UST: variants seen among roughly 807,000 people sequenced by gnomAD.
The protein encoded by UST is chondroitin sulfate 2-O-sulfotransferase.
UST carries 21 observed loss-of-function variants against 45.6 expected under a neutral mutation model. That is an observed-to-expected ratio of 0.46 (90% CI 0.33 to 0.66). UST has a LOEUF of 0.66. Ranked by LOEUF, UST falls within the 30% of genes least tolerant of loss-of-function variation. UST has a pLI of 0.02. For missense variants in UST, 463 were observed against 512.4 expected (o/e 0.90, Z 0.93); for synonymous variants, 215 against 200.6 (o/e 1.07, Z -0.61).
intron 1 of UST, among the ~76,000 whole-genome samples, chr6:148,809,229 G>C (rs1262876964): frequency 6.6e-6 from 1 of 152,182 alleles, no homozygotes; most frequent in Non-Finnish European, 1.5e-5. Flanking sequence ...AAAAGAGTAG[G>C]CAGTAGGGAC....
chr6:148,953,771 C>CAAAA (rs58266916), intron 3 of UST, 101 bp from the exon 4 acceptor site: 96 of 267,088 alleles, frequency 3.6e-4, no homozygotes, highest in Middle Eastern at 1.2e-3. Flanking sequence ...GACTCCATCT[C>CAAAA]AAAAAAAAAA....
In UST at chr6:149,074,365, TCATAAAA is replaced by T. The variant is rs1389754600; in HGVS notation, c.*252_*258del. 2 of 502,458 alleles carry T rather than the reference TCATAAAA, an allele frequency of 4.0e-6. No individual in the cohort carries two copies. Among genetic ancestry groups the T allele is most frequent in the Non-Finnish European group, 7.0e-6 (2 of 283,936 alleles). The allele number at this position is 502,458 out of a possible 1,614,324, so 31.1% of individuals were successfully genotyped here. A position where few individuals can be genotyped will look rare whatever the true frequency, so the allele number is the denominator to read the frequency against. On this transcript the variant is annotated 3_prime_UTR_variant, in exon 8 of 8. Coordinates refer to ENST00000367463, the MANE Select transcript of UST (RefSeq NM_005715.3). Reference sequence around the variant, plus strand: ...GATGGCTCCATCCCAAGGCATCTTGTCATAAAACAGCTTTCCCCCACCCCATATCATG... The same window carrying T: ...GATGGCTCCATCCCAAGGCATCTTGTCAGCTTTCCCCCACCCCATATCATG...
chr6:148,789,451 TCTCACACACACA>T (rs1452812412), intron 1 of UST, among the ~76,000 whole-genome samples: 9 of 132,892 alleles, frequency 6.8e-5, no homozygotes, highest in Non-Finnish European at 1.1e-4. Flanking sequence ...TCTCTCTCTC[TCTCACACACACA>T]CACACACACA....
At chr6:149,030,068 C>T (rs1776116673) in intron 7 of UST, among the ~76,000 whole-genome samples, 1 of 152,128 alleles carries the variant, frequency 6.6e-6, no homozygotes, top group Admixed American at 6.6e-5. Flanking sequence ...TAGATGATCT[C>T]ATTTGATTCT....
At chr6:148,935,683 A>G (rs537785368) in intron 2 of UST, among the ~76,000 whole-genome samples, 6 of 152,156 alleles carry the variant, frequency 3.9e-5, no homozygotes, top group Non-Finnish European at 7.4e-5. Context: ...TTCCTTTCCC[A>G]GTGGAAGCAG....
intron 2 of UST, among the ~76,000 whole-genome samples, chr6:148,906,352 T>C (rs1233195516): frequency 2.6e-5 from 4 of 152,238 alleles, no homozygotes; most frequent in African/African-American, 9.6e-5. Flanking sequence ...TTATGAGGAT[T>C]TCAGGTTCTT....
intron 2 of UST, among the ~76,000 whole-genome samples, chr6:148,901,754 T>C (rs1779262900): frequency 6.6e-6 from 1 of 152,132 alleles, no homozygotes; most frequent in Non-Finnish European, 1.5e-5. Flanking sequence ...GATGGGGGTT[T>C]TGCCATGTTG....
intron 1 of UST, among the ~76,000 whole-genome samples, chr6:148,874,254 A>T (rs532817176): frequency 1.7e-4 from 26 of 152,372 alleles, no homozygotes; most frequent in African/African-American, 6.3e-4. Flanking sequence ...TTCGGTTGTT[A>T]TTATAGCAGT....
chr6:148,749,078 T>G (rs1389102898), intron 1 of UST, among the ~76,000 whole-genome samples: 1 of 152,214 alleles, frequency 6.6e-6, no homozygotes, highest in Non-Finnish European at 1.5e-5. Flanking sequence ...TTTTAAAAGT[T>G]ACACTTTTAT....
chr6:148,910,697 G>A (rs1434274599), intron 2 of UST, among the ~76,000 whole-genome samples: 3 of 152,018 alleles, frequency 2.0e-5, no homozygotes, highest in African/African-American at 7.3e-5. Flanking sequence ...TTTATAAAAG[G>A]TATGAGTTAG....
chr6:148,860,818 A>G (rs1167382585), intron 1 of UST, among the ~76,000 whole-genome samples: 2 of 152,166 alleles, frequency 1.3e-5, no homozygotes, highest in African/African-American at 4.8e-5. Context: ...GCATATGTTG[A>G]ACCAGCCTTG....
chr6:149,029,865 CTT>C (rs965673519), intron 7 of UST, among the ~76,000 whole-genome samples: 5 of 113,410 alleles, frequency 4.4e-5, no homozygotes, highest in East Asian at 2.6e-4. Flanking sequence ...AGCACTGGAT[CTT>C]GTGTGTGTGT....
intron 7 of UST, among the ~76,000 whole-genome samples, chr6:149,055,905 G>A (rs562527743): frequency 2.6e-5 from 4 of 152,044 alleles, no homozygotes; most frequent in Non-Finnish European, 5.9e-5. Context: ...AGAAGTCATC[G>A]CAACTACCTT....
At chr6:148,891,237 C>T (rs1179101950) in intron 2 of UST, among the ~76,000 whole-genome samples, 2 of 152,188 alleles carry the variant, frequency 1.3e-5, no homozygotes, top group Non-Finnish European at 2.9e-5. Flanking sequence ...GACGTTTCCC[C>T]TCCTTGGCTT....
chr6:148,992,232 C>T (rs1234572343), intron 5 of UST, among the ~76,000 whole-genome samples: 1 of 152,140 alleles, frequency 6.6e-6, no homozygotes, highest in East Asian at 1.9e-4. Context: ...AGGCCGATCG[C>T]GGTGGCTCAC....
intron 2 of UST, among the ~76,000 whole-genome samples, chr6:148,897,174 T>A (rs796357867): frequency 5.9e-5 from 9 of 152,286 alleles, no homozygotes; most frequent in South Asian, 2.1e-4. Flanking sequence ...AAAATTTTTT[T>A]AAAATTTTTT....
At chr6:148,921,022 G>A (rs1779695378) in intron 2 of UST, among the ~76,000 whole-genome samples, 1 of 152,198 alleles carries the variant, frequency 6.6e-6, no homozygotes, top group Admixed American at 6.5e-5. Context: ...TAAAATAGAT[G>A]GCTGGAGAGG....
intron 2 of UST, among the ~76,000 whole-genome samples, chr6:148,899,006 C>T (rs1220905581): frequency 6.6e-6 from 1 of 151,484 alleles, no homozygotes; most frequent in Non-Finnish European, 1.5e-5. Context: ...CATTCCTTGG[C>T]AGAGTGGCAG....
At chr6:148,779,883 T>C (rs1237232466) in intron 1 of UST, among the ~76,000 whole-genome samples, 1 of 152,182 alleles carries the variant, frequency 6.6e-6, no homozygotes, top group Non-Finnish European at 1.5e-5. Context: ...TCCTGTTAGC[T>C]GCCTCTGTGA....
Sources: gnomAD v4.1 joint callset for allele counts (sites outside exome capture counted in the v4.1 genomes callset) on GRCh38, gnomAD v4.1.1 for gene constraint, MANE v1.5 for transcripts, NCBI Gene and HGNC (gene_info 2026-07-23, HGNC 2026-07-21) for gene names.